CCDC91: variants seen among roughly 807,000 people sequenced by gnomAD.
CCDC91 encodes the protein coiled-coil domain-containing protein 91.
In CCDC91, 48 loss-of-function variants were observed where a neutral mutation model predicts 63.2. That is an observed-to-expected ratio of 0.76 (90% CI 0.60 to 0.97). The LOEUF is 0.97. Ranked by LOEUF, CCDC91 falls within the 50% of genes least tolerant of loss-of-function variation. The pLI is 0.00. For missense variants in CCDC91, 500 were observed against 494.6 expected (o/e 1.01, Z -0.10); for synonymous variants, 167 against 165.8 (o/e 1.01, Z -0.06).
intron 8 of CCDC91, among the ~76,000 whole-genome samples, chr12:28,445,450 GAA>G (rs1448408861): frequency 1.3e-5 from 2 of 152,166 alleles, no homozygotes; most frequent in Non-Finnish European, 1.5e-5. Flanking sequence ...ATTTAGCAGA[GAA>G]GAGCAAGTTG....
intron 8 of CCDC91, among the ~76,000 whole-genome samples, chr12:28,406,320 T>C (rs915524583): frequency 1.3e-5 from 2 of 152,128 alleles, no homozygotes; most frequent in African/African-American, 4.8e-5. Flanking sequence ...AAAGTCGTTA[T>C]TAGTGTACAA....
At chr12:28,316,748 A>T (rs1939929513) in intron 6 of CCDC91, among the ~76,000 whole-genome samples, 1 of 149,850 alleles carries the variant, frequency 6.7e-6, no homozygotes, top group Non-Finnish European at 1.5e-5. Context: ...CTCATTTTAA[A>T]ATTCTGTGTT....
intron 12 of CCDC91, among the ~76,000 whole-genome samples, chr12:28,516,561 G>T (rs1565506821): frequency 6.6e-6 from 1 of 151,870 alleles, no homozygotes; most frequent in Non-Finnish European, 1.5e-5. Context: ...CCAAGATTGT[G>T]CCACTGTACT....
chr12:28,252,517 G>A (rs543500126), intron 1 of CCDC91, among the ~76,000 whole-genome samples: 3 of 151,348 alleles, frequency 2.0e-5, no homozygotes, highest in Admixed American at 2.0e-4. Context: ...TTTCTATCCG[G>A]CAGTTTTTCA....
chr12:28,204,112 C>T (rs1010812825), intron 1 of CCDC91, among the ~76,000 whole-genome samples: 1 of 152,110 alleles, frequency 6.6e-6, no homozygotes, highest in African/African-American at 2.4e-5. Flanking sequence ...GAATGCTTAT[C>T]AAGCTATGGT....
intron 11 of CCDC91, among the ~76,000 whole-genome samples, chr12:28,467,663 TCTC>T (rs1306905848): frequency 2.6e-5 from 4 of 152,192 alleles, no homozygotes; most frequent in East Asian, 3.9e-4. Flanking sequence ...TTCACATTCT[TCTC>T]CTCAGCACAT....
intron 7 of CCDC91, among the ~76,000 whole-genome samples, chr12:28,378,778 A>G (rs1233853248): frequency 6.6e-6 from 1 of 152,102 alleles, no homozygotes. Flanking sequence ...GCCCACTAGC[A>G]TGCTAGCTAG....
intron 11 of CCDC91, among the ~76,000 whole-genome samples, chr12:28,469,395 C>A (rs1213022176): frequency 6.6e-6 from 1 of 151,744 alleles, no homozygotes; most frequent in African/African-American, 2.4e-5. Flanking sequence ...TGAAAGAGCT[C>A]CACAATAAAA....
At chr12:28,325,436 A>G (rs1208568304) in intron 6 of CCDC91, among the ~76,000 whole-genome samples, 3 of 152,072 alleles carry the variant, frequency 2.0e-5, no homozygotes, top group Non-Finnish European at 4.4e-5. Context: ...AACAACAAAA[A>G]TCACTGCTTA....
At chr12:28,307,557 A>G in intron 5 of CCDC91, 88 bp from the exon 6 acceptor site, 1 of 654,720 alleles carries the variant, frequency 1.5e-6, no homozygotes, top group Non-Finnish European at 2.6e-6. Flanking sequence ...TTTCTCTGAC[A>G]AATGTTTTCT....
chr12:28,526,524 C>T (rs1199697240), intron 12 of CCDC91, among the ~76,000 whole-genome samples: 2 of 152,076 alleles, frequency 1.3e-5, no homozygotes, highest in African/African-American at 2.4e-5. Context: ...TTTTGCCTCA[C>T]AGCTCTTAAA....
intron 1 of CCDC91, among the ~76,000 whole-genome samples, chr12:28,238,777 T>C (rs1159015260): frequency 6.6e-6 from 1 of 152,036 alleles, no homozygotes. Context: ...GTAAACTTGG[T>C]GGGATTTGCA....
Position 28,406,458 on chromosome 12 carries a change from A to G in CCDC91, c.762+15047A>G, listed in dbSNP as rs562448309. On this transcript the variant is annotated intron_variant, in intron 8 of 12. Transcript: ENST00000536442. The stretch of plus-strand genomic sequence containing the variant: ...AGTATATGTAAAATGTGTTTTCACA[A>G]TTTTGCTCATTTGTTGTTTTCTTAT... Among the ~76,000 whole-genome samples, 7 of 152,192 alleles carry G rather than the reference A, an allele frequency of 4.6e-5. 1 individual carries two copies. Among genetic ancestry groups the G allele is most frequent in the Non-Finnish European group, 7.4e-5 (5 of 67,988 alleles).
chr12:28,378,253 A>G (rs1032624372), intron 7 of CCDC91, among the ~76,000 whole-genome samples: 1 of 152,090 alleles, frequency 6.6e-6, no homozygotes, highest in African/African-American at 2.4e-5. Flanking sequence ...GATATATGCT[A>G]AATACTTTTT....
intron 12 of CCDC91, among the ~76,000 whole-genome samples, chr12:28,535,735 A>T (rs1185916795): frequency 6.6e-6 from 1 of 152,126 alleles, no homozygotes; most frequent in Non-Finnish European, 1.5e-5. Flanking sequence ...CCTATAAAAC[A>T]TATGTGGGAA....
intron 11 of CCDC91, among the ~76,000 whole-genome samples, chr12:28,472,684 T>C (rs1055706538): frequency 4.6e-5 from 7 of 152,190 alleles, no homozygotes; most frequent in African/African-American, 1.4e-4. Flanking sequence ...TAAATATTTA[T>C]AGTAATAAAT....
chr12:28,190,531 T>C lies in CCDC91; in HGVS notation c.-125T>C. On this transcript the variant is annotated 5_prime_UTR_variant, in exon 1 of 13. Coordinates refer to ENST00000536442, the MANE Select transcript of CCDC91 (RefSeq NM_018318.5). ...GGGCCGCGGTCTCCCCTCAAGGGCC[T>C]GGGGCCGTGCCTCGGGTGTACGCGT... 6.5e-6 allele frequency: 1 copy of C among 153,244 alleles called. No individual in the cohort carries two copies. Among genetic ancestry groups the C allele is most frequent in the Non-Finnish European group, 1.5e-5 (1 of 68,738 alleles). 9.5% of individuals were successfully genotyped at this position (153,244 alleles called of 1,614,324 possible). A position where few individuals can be genotyped will look rare whatever the true frequency, so the allele number is the denominator to read the frequency against.
chr12:28,305,935 A>G (rs1346940410), intron 4 of CCDC91, 129 bp downstream of exon 4: 1 of 736,318 alleles, frequency 1.4e-6, no homozygotes, highest in East Asian at 2.8e-5. Flanking sequence ...TAGATATTCT[A>G]ATTTTGAGGC....
At chr12:28,275,709 G>C (rs548264087) in intron 3 of CCDC91, among the ~76,000 whole-genome samples, 9 of 152,226 alleles carry the variant, frequency 5.9e-5, no homozygotes, top group African/African-American at 2.2e-4. Context: ...GAACACCGAT[G>C]CAAAAATCCT....
Sources: gnomAD v4.1 joint callset for allele counts (sites outside exome capture counted in the v4.1 genomes callset) on GRCh38, gnomAD v4.1.1 for gene constraint, MANE v1.5 for transcripts, NCBI Gene and HGNC (gene_info 2026-07-23, HGNC 2026-07-21) for gene names.